PTPRD: variants seen among roughly 807,000 people sequenced by gnomAD.
PTPRD encodes the protein protein tyrosine phosphatase receptor type D.
In PTPRD, 34 loss-of-function variants were observed where a neutral mutation model predicts 214.5. The ratio of observed to expected loss-of-function variants is 0.16; its 90% confidence interval spans 0.12 to 0.21. The LOEUF (loss-of-function observed/expected upper bound fraction) is 0.21, where lower values mean the gene tolerates loss of function less well. Among genes scored for constraint, PTPRD ranks in the 10% least tolerant of loss-of-function variants. The pLI is 1.00. For synonymous variants in PTPRD, 1,128 were observed against 845.7 expected (o/e 1.33, Z -5.79); for missense variants, 2,545 against 2,398.7 (o/e 1.06, Z -1.27).
At chr9:10,334,585 T>A (rs967309652) in intron 3 of PTPRD, among the ~76,000 whole-genome samples, 3 of 151,670 alleles carry the variant, frequency 2.0e-5, no homozygotes, top group Admixed American at 6.6e-5. Flanking sequence ...GAAAAGGAAA[T>A]CAATTTACTT....
chr9:8,748,019 G>A (rs1270449971), intron 11 of PTPRD, among the ~76,000 whole-genome samples: 8 of 152,078 alleles, frequency 5.3e-5, no homozygotes, highest in South Asian at 2.1e-4. Context: ...GATCTACCGC[G>A]GACCCCTGGA....
intron 2 of PTPRD, among the ~76,000 whole-genome samples, chr9:10,351,037 G>A (rs982421283): frequency 1.3e-5 from 2 of 152,060 alleles, no homozygotes; most frequent in African/African-American, 4.8e-5. Flanking sequence ...TGGCATTTGA[G>A]CTAAGATACA....
chr9:10,506,684 T>C (rs1016423119), intron 2 of PTPRD, among the ~76,000 whole-genome samples: 3 of 152,138 alleles, frequency 2.0e-5, no homozygotes, highest in African/African-American at 7.2e-5. Context: ...ATCTATTTAG[T>C]TGTCAGGGAG....
intron 14 of PTPRD, among the ~76,000 whole-genome samples, chr9:8,570,256 T>C (rs1286522146): frequency 2.6e-5 from 4 of 152,148 alleles, no homozygotes; most frequent in Non-Finnish European, 5.9e-5. Context: ...TCATAATTTA[T>C]TGCACTTCAG....
chr9:8,715,923 G>C (rs1432141407), intron 12 of PTPRD, among the ~76,000 whole-genome samples: 1 of 152,216 alleles, frequency 6.6e-6, no homozygotes, highest in African/African-American at 2.4e-5. Flanking sequence ...GTAAATTCCT[G>C]CTTCTACTTA....
intron 11 of PTPRD, among the ~76,000 whole-genome samples, chr9:9,011,012 T>C (rs1396375591): frequency 6.6e-6 from 1 of 152,204 alleles, no homozygotes; most frequent in African/African-American, 2.4e-5. Flanking sequence ...TGGCCTAGGA[T>C]TCATATGTAG....
chr9:9,506,319 AC>A (rs1410116936), intron 8 of PTPRD, among the ~76,000 whole-genome samples: 1 of 151,428 alleles, frequency 6.6e-6, no homozygotes, highest in Non-Finnish European at 1.5e-5. Flanking sequence ...GCAGTAGAGG[AC>A]CTTTATCTTA....
intron 10 of PTPRD, among the ~76,000 whole-genome samples, chr9:9,121,978 T>G (rs1340815541): frequency 6.6e-6 from 1 of 152,190 alleles, no homozygotes; most frequent in Non-Finnish European, 1.5e-5. Context: ...ATCAAGATAT[T>G]TGCTATCACT....
intron 8 of PTPRD, among the ~76,000 whole-genome samples, chr9:9,430,067 G>T (rs923537897): frequency 2.0e-5 from 3 of 152,280 alleles, no homozygotes; most frequent in East Asian, 3.9e-4. Context: ...TCAGGCAGGA[G>T]AAAGAGATAA....
intron 15 of PTPRD, chr9:8,528,358 G>A: frequency 1.7e-6 from 1 of 593,364 alleles, no homozygotes; most frequent in South Asian, 2.2e-5. Flanking sequence ...ACAGCAGTGA[G>A]CAATGTGGAT....
intron 12 of PTPRD, among the ~76,000 whole-genome samples, chr9:8,656,773 T>C (rs1735775099): frequency 1.3e-5 from 2 of 152,202 alleles, no homozygotes; most frequent in South Asian, 4.1e-4. Flanking sequence ...AGGAAAGGTT[T>C]CTGGGAATAC....
At chr9:8,625,210 T>C (rs1404065910) in intron 14 of PTPRD, among the ~76,000 whole-genome samples, 3 of 151,396 alleles carry the variant, frequency 2.0e-5, no homozygotes, top group Non-Finnish European at 4.4e-5. Flanking sequence ...TATATATATA[T>C]ACTACATGTA....
intron 5 of PTPRD, among the ~76,000 whole-genome samples, chr9:9,769,551 C>T (rs1490650553): frequency 6.6e-6 from 1 of 151,984 alleles, no homozygotes; most frequent in Non-Finnish European, 1.5e-5. Context: ...TGGGCTCGAT[C>T]TCCTGACCTC....
At chr9:10,136,541 A>G (rs2098945292) in intron 3 of PTPRD, among the ~76,000 whole-genome samples, 2 of 152,136 alleles carry the variant, frequency 1.3e-5, no homozygotes, top group African/African-American at 4.8e-5. Context: ...AACTTTTCAG[A>G]CCAAAGTATG....
chr9:9,247,623 A>G (rs1197952005), intron 9 of PTPRD, among the ~76,000 whole-genome samples: 1 of 152,014 alleles, frequency 6.6e-6, no homozygotes, highest in African/African-American at 2.4e-5. Flanking sequence ...TCAACTCTAC[A>G]TAGCCAAAGC....
chr9:9,731,460 AG>A (rs1252654731), intron 7 of PTPRD, among the ~76,000 whole-genome samples: 4 of 92,758 alleles, frequency 4.3e-5, no homozygotes, highest in Admixed American at 8.5e-5. Flanking sequence ...TGGAAATTTA[AG>A]GTTTTTTTTT....
At chr9:10,607,010 G>C (rs12000031) in intron 2 of PTPRD, among the ~76,000 whole-genome samples, 14,328 of 151,802 alleles carry the variant, frequency 0.094, 1,650 homozygotes, top group African/African-American at 0.27. Flanking sequence ...GAGTAAATCA[G>C]ATAGCATTAT....
intron 11 of PTPRD, among the ~76,000 whole-genome samples, chr9:8,759,621 T>A (rs1026534847): frequency 8.5e-6 from 1 of 117,520 alleles, no homozygotes; most frequent in Non-Finnish European, 2.1e-5. Context: ...ATTTCTTTTT[T>A]TTTTTTTTTT....
At chr9:9,411,658 A>C (rs930703994) in intron 8 of PTPRD, among the ~76,000 whole-genome samples, 1 of 152,184 alleles carries the variant, frequency 6.6e-6, no homozygotes, top group East Asian at 1.9e-4. Context: ...CTGACACCTG[A>C]AAAAAGGACC....
Sources: allele counts gnomAD v4.1 joint callset (sites outside exome capture counted in the v4.1 genomes callset), GRCh38; gene constraint gnomAD v4.1.1; transcripts MANE v1.5; gene names NCBI Gene and HGNC (gene_info 2026-07-23, HGNC 2026-07-21).